The following TCF4 variants were observed in gnomAD, a reference collection of about 807,000 sequenced individuals.
TCF4 encodes the protein transcription factor 4, also known as SL3-3 enhancer factor 2.
TCF4 carries 3 observed loss-of-function variants against 82.1 expected under a neutral mutation model. The ratio of observed to expected loss-of-function variants is 0.04; its 90% CI spans 0.02 to 0.09. The LOEUF (loss-of-function observed/expected upper bound fraction) is 0.09, where lower values mean the gene tolerates loss of function less well. Ranked by LOEUF, TCF4 falls within the 10% of genes least tolerant of loss-of-function variation. The probability of loss-of-function intolerance (pLI) is 1.00; values close to 1 mark genes in which losing one functional copy is unlikely to be tolerated. For missense variants in TCF4, 518 were observed against 852.7 expected (o/e 0.61, Z 4.89); for synonymous variants, 276 against 309.6 (o/e 0.89, Z 1.14).
chr18:55,328,307 GA>G (rs1241911917), intron 8 of TCF4, among the ~76,000 whole-genome samples: 1 of 151,620 alleles, frequency 6.6e-6, no homozygotes, highest in African/African-American at 2.4e-5. Context: ...TATTTAAGGA[GA>G]AAAGACTTCA....
rs961189082 is a variant in TCF4 at position 55,470,922 on chromosome 18, A to G, written c.146-6785T>C. On this transcript the variant is annotated intron_variant, in intron 3 of 19. Coordinates refer to ENST00000354452, the MANE Select transcript of TCF4 (RefSeq NM_001083962.2). The stretch of plus-strand genomic sequence containing the variant: ...CACTGCCTCAAAACCTTCTTCCTGC[A>G]ACAACAGACACTATTAAATATCCTC... Among the ~76,000 whole-genome samples, 9 of 152,274 alleles carry G rather than the reference A, an allele frequency of 5.9e-5. No individual in the cohort carries two copies. In the South Asian group the frequency reaches 1.9e-3, roughly 32 times the overall value.
intron 15 of TCF4, among the ~76,000 whole-genome samples, chr18:55,251,096 TTG>T (rs2054927831): frequency 6.6e-6 from 1 of 152,212 alleles, no homozygotes; most frequent in Non-Finnish European, 1.5e-5. Context: ...ATGCCCAGCC[TTG>T]TCTTGCTGGA....
chr18:55,490,001 A>G (rs1477608795), intron 3 of TCF4, among the ~76,000 whole-genome samples: 2 of 152,236 alleles, frequency 1.3e-5, no homozygotes, highest in East Asian at 3.8e-4. Flanking sequence ...ATACATGCGG[A>G]TACTTTTTTA....
chr18:55,315,882 G>T (rs1006749447), intron 8 of TCF4, among the ~76,000 whole-genome samples: 1 of 151,418 alleles, frequency 6.6e-6, no homozygotes, highest in African/African-American at 2.4e-5. Context: ...TTTTTTTTAG[G>T]ACTATGATGA....
intron 3 of TCF4, among the ~76,000 whole-genome samples, chr18:55,547,445 T>C (rs946537206): frequency 1.3e-5 from 2 of 152,194 alleles, no homozygotes; most frequent in Non-Finnish European, 2.9e-5. Context: ...AAATTTCTAG[T>C]TGTTTTGACA....
At chr18:55,587,624 C>T (rs892074695) in intron 1 of TCF4, among the ~76,000 whole-genome samples, 2 of 151,594 alleles carry the variant, frequency 1.3e-5, no homozygotes, top group African/African-American at 4.8e-5. Flanking sequence ...GCACACACCA[C>T]TCCCCTCCGC....
At chr18:55,519,492 T>C (rs1384675857) in intron 3 of TCF4, among the ~76,000 whole-genome samples, 1 of 151,412 alleles carries the variant, frequency 6.6e-6, no homozygotes, top group Non-Finnish European at 1.5e-5. Context: ...TTGTACCAAC[T>C]GTCCCCATTT....
At chr18:55,570,991 T>C (rs1460787458) in intron 3 of TCF4, among the ~76,000 whole-genome samples, 1 of 151,576 alleles carries the variant, frequency 6.6e-6, no homozygotes, top group Non-Finnish European at 1.5e-5. Flanking sequence ...GGAGTGCAGA[T>C]CAGTAAGAAT....
At chr18:55,540,679 C>T (rs963933883) in intron 3 of TCF4, among the ~76,000 whole-genome samples, 2 of 151,846 alleles carry the variant, frequency 1.3e-5, no homozygotes, top group Non-Finnish European at 2.9e-5. Context: ...ATATTAAGTC[C>T]CTACTCCACA....
chr18:55,368,336 G>A (rs1371611785), intron 6 of TCF4, among the ~76,000 whole-genome samples: 10 of 152,170 alleles, frequency 6.6e-5, no homozygotes. Context: ...AGCTGAGATT[G>A]CGCCACTGCA....
chr18:55,334,448 A>G (rs1343545706), intron 8 of TCF4, among the ~76,000 whole-genome samples: 1 of 152,138 alleles, frequency 6.6e-6, no homozygotes, highest in Non-Finnish European at 1.5e-5. Flanking sequence ...TAATTCCAAG[A>G]TAAAAATGAA....
intron 3 of TCF4, among the ~76,000 whole-genome samples, chr18:55,547,721 T>C (rs1328562114): frequency 6.6e-6 from 1 of 152,236 alleles, no homozygotes; most frequent in African/African-American, 2.4e-5. Flanking sequence ...CCCTGGGAAA[T>C]TCAGTTCAGC....
At chr18:55,625,317 C>A (rs185258763) in intron 2 of TCF4, among the ~76,000 whole-genome samples, 4 of 151,568 alleles carry the variant, frequency 2.6e-5, no homozygotes, top group Admixed American at 2.0e-4. Context: ...CGGCTCACTG[C>A]AACCTCTGCC....
At chr18:55,390,787 G>A (rs2093019006) in intron 6 of TCF4, among the ~76,000 whole-genome samples, 1 of 152,162 alleles carries the variant, frequency 6.6e-6, no homozygotes, top group Non-Finnish European at 1.5e-5. Flanking sequence ...AAAACTGATA[G>A]GGTGTGTGTA....
chr18:55,493,209 TA>T (rs776503008), intron 3 of TCF4, among the ~76,000 whole-genome samples: 77 of 152,248 alleles, frequency 5.1e-4, no homozygotes, highest in Non-Finnish European at 2.9e-4. Context: ...AACAAGAAAC[TA>T]AATACCATTA....
intron 3 of TCF4, among the ~76,000 whole-genome samples, chr18:55,522,142 TAAC>T (rs2096938395): frequency 6.6e-6 from 1 of 152,186 alleles, no homozygotes; most frequent in South Asian, 2.1e-4. Flanking sequence ...AGAGTGATGA[TAAC>T]AAGAACAGGA....
chr18:55,510,028 A>G (rs985927862), intron 3 of TCF4, among the ~76,000 whole-genome samples: 2 of 152,198 alleles, frequency 1.3e-5, no homozygotes, highest in African/African-American at 4.8e-5. Flanking sequence ...AAAGATTTTT[A>G]ACACTGGTCT....
intron 8 of TCF4, chr18:55,321,727 T>C: frequency 1.3e-6 from 2 of 1,536,172 alleles, no homozygotes; most frequent in Non-Finnish European, 8.7e-7. Context: ...GGATTGTGTA[T>C]GCGCAGTACA....
chr18:55,627,702 T>C, intron 2 of TCF4, among the ~76,000 whole-genome samples: 1 of 151,860 alleles, frequency 6.6e-6, no homozygotes, highest in East Asian at 1.9e-4. Context: ...GAGGTGGCAG[T>C]TGCAGTGAGC....
Sources: gnomAD v4.1 joint callset for allele counts (sites outside exome capture counted in the v4.1 genomes callset) on GRCh38, gnomAD v4.1.1 for gene constraint, MANE v1.5 for transcripts, NCBI Gene and HGNC (gene_info 2026-07-23, HGNC 2026-07-21) for gene names.